LRRC7: variants seen among roughly 807,000 people sequenced by gnomAD.
The protein encoded by LRRC7 is leucine rich repeat containing 7, also known as leucine-rich repeat-containing protein 7.
A neutral mutation model predicts 175.7 loss-of-function variants in LRRC7; 23 were observed. The ratio of observed to expected loss-of-function variants is 0.13; its 90% CI spans 0.09 to 0.19. The LOEUF (loss-of-function observed/expected upper bound fraction) is 0.19, where lower values mean the gene tolerates loss of function less well. Ranked by LOEUF, LRRC7 falls within the 10% of genes least tolerant of loss-of-function variation. The pLI is 1.00. For missense variants in LRRC7, 1,354 were observed against 1,904.7 expected, an observed-to-expected ratio of 0.71 and a Z score of 5.38; for synonymous variants, 685 against 680.9, an observed-to-expected ratio of 1.01 and a Z score of -0.09.
At chr1:69,723,385 A>G (rs1796952) in intron 2 of LRRC7, among the ~76,000 whole-genome samples, 66,725 of 151,916 alleles carry the variant, frequency 0.44, 14,914 homozygotes, top group Admixed American at 0.5. Flanking sequence ...TAACATATTA[A>G]GAGAAAAAAT....
chr1:69,745,772 G>A (rs988202105), intron 2 of LRRC7, among the ~76,000 whole-genome samples: 4 of 125,172 alleles, frequency 3.2e-5, no homozygotes, highest in Non-Finnish European at 7.2e-5. Flanking sequence ...AACCTTAAAT[G>A]AATGACAGGA....
chr1:69,791,947 C>T (rs1675172097), intron 3 of LRRC7, 96 bp from the exon 4 acceptor site: 4 of 753,512 alleles, frequency 5.3e-6, no homozygotes, highest in Non-Finnish European at 9.0e-6. Flanking sequence ...TCTTTTACTA[C>T]TACATATATA....
rs2102276759 is a variant in LRRC7, at chr1:70,134,903, T to C, written c.*13016T>C. Among the ~76,000 whole-genome samples the C allele has an allele frequency of 6.6e-6, 1 of 152,346 alleles. No individual in the cohort carries two copies. Among genetic ancestry groups the C allele is most frequent in the South Asian group, 2.1e-4 (1 of 4,832 alleles). On this transcript the variant is annotated 3_prime_UTR_variant, in exon 27 of 27. Coordinates refer to ENST00000651989, the MANE Select transcript of LRRC7 (RefSeq NM_001370785.2). ...GGCAGGTGTCCACCATTGTTTTGGA[T>C]ACAGCTTTTGAGTTTTTGATTTGCC... is the stretch of plus-strand genomic sequence containing the variant.
Position 70,021,098 on chromosome 1 carries a change from A to G in LRRC7, c.1514A>G (p.Lys505Arg). 1 of 1,612,558 alleles carries G rather than the reference A, an allele frequency of 6.2e-7. No homozygotes were observed. The highest frequency in any genetic ancestry group is 1.7e-5 in the Admixed American group (1 of 59,974). The change falls in exon 16 of 27, where the codon AAA (lysine) becomes AGA (arginine). Residue 505 changes from lysine to arginine, a missense_variant. Coordinates refer to ENST00000651989, the MANE Select transcript of LRRC7 (RefSeq NM_001370785.2). ...MTVAFEFEDK[K>R]EDDENAGKVK... Reference sequence around the variant, plus strand: ...GTTGCCTTTGAATTTGAAGACAAAAAAGAAGATGACGAAAATGCTGGGAAA... The same window carrying G: ...GTTGCCTTTGAATTTGAAGACAAAAGAGAAGATGACGAAAATGCTGGGAAA...
In LRRC7 at chr1:70,126,240, G is replaced by A. The variant is rs1004154085; in HGVS notation, c.*4353G>A. ...ATAAATTCGATCAAACAACATATTT[G>A]ACTAATTTGTGATATGCCGACCAAA... On this transcript the variant is annotated 3_prime_UTR_variant, in exon 27 of 27. Transcript: ENST00000651989. Among the ~76,000 whole-genome samples, 17 of 151,980 alleles carry A rather than the reference G, an allele frequency of 1.1e-4. No homozygotes were observed. Among genetic ancestry groups the A allele is most frequent in the African/African-American group, 4.1e-4 (17 of 41,364 alleles).
intron 1 of LRRC7, among the ~76,000 whole-genome samples, chr1:69,588,256 T>G (rs1234457323): frequency 2.0e-5 from 3 of 152,178 alleles, no homozygotes; most frequent in Non-Finnish European, 1.5e-5. Context: ...TTCAGTAAGA[T>G]GACCATTATT....
At position 69,873,786 on chromosome 1, in the gene LRRC7, A is replaced by G. The variant is rs149394395; in HGVS notation, c.647+35503A>G. 21 of 156,578 alleles carry G rather than the reference A, an allele frequency of 1.3e-4. No individual in the cohort carries two copies. The East Asian group carries it at 3.5e-3, about 26-fold the overall frequency. 9.7% of individuals were successfully genotyped at this position (156,578 alleles called of 1,614,324 possible). On this transcript the variant is annotated intron_variant, in intron 7 of 26. Transcript: ENST00000651989. ...TTTTTTCCAAATGTGTTCAGTTGCC[A>G]TAACTTTCAATGAATATGAAATTTT...
chr1:69,698,951 A>G (rs1055773555), intron 2 of LRRC7, among the ~76,000 whole-genome samples: 2 of 152,148 alleles, frequency 1.3e-5, no homozygotes, highest in African/African-American at 4.8e-5. Flanking sequence ...GCTATAAAGT[A>G]TAGTCAAACT....
At chr1:69,980,657 C>G (rs922389381) in intron 9 of LRRC7, among the ~76,000 whole-genome samples, 1 of 151,598 alleles carries the variant, frequency 6.6e-6, no homozygotes, top group Non-Finnish European at 1.5e-5. Flanking sequence ...GTATACAAAA[C>G]GTAAGAAAGA....
chr1:69,790,604 CTG>C (rs1163509514), intron 3 of LRRC7, among the ~76,000 whole-genome samples: 1 of 151,838 alleles, frequency 6.6e-6, no homozygotes, highest in Non-Finnish European at 1.5e-5. Context: ...GTCTATGAAT[CTG>C]TAACTGACCA....
At chr1:69,585,229 AATAT>A (rs1197471982) in intron 1 of LRRC7, among the ~76,000 whole-genome samples, 1 of 147,712 alleles carries the variant, frequency 6.8e-6, no homozygotes, top group South Asian at 2.2e-4. Context: ...ATCTAGGCAT[AATAT>A]ATATACTTTT....
At chr1:70,014,536 C>G (rs1170465825) in intron 13 of LRRC7, among the ~76,000 whole-genome samples, 1 of 151,696 alleles carries the variant, frequency 6.6e-6, no homozygotes, top group Non-Finnish European at 1.5e-5. Context: ...TACTATGGAG[C>G]CAAATTACTA....
chr1:69,956,178 T>C lies in LRRC7; in HGVS notation c.712-24201T>C, dbSNP rs183214722. ...TATTTGGTCAGGTAGACTAATATTA[T>C]TTTACACAATTTCTTTAGTTTTTCC... On this transcript the variant is annotated intron_variant, in intron 8 of 26. Transcript: ENST00000651989. Among the ~76,000 whole-genome samples the C allele has an allele frequency of 2.0e-5, 3 of 152,042 alleles. No homozygotes were observed. The East Asian group carries it at 5.8e-4, about 29-fold the overall frequency.
chr1:69,786,326 C>T (rs575722994), intron 3 of LRRC7, among the ~76,000 whole-genome samples: 135 of 151,412 alleles, frequency 8.9e-4, no homozygotes, highest in African/African-American at 3.0e-3. Context: ...ACTTTTTTTT[C>T]TCTCTCTCTC....
At chr1:69,843,192 A>T (rs1263494442) in intron 7 of LRRC7, among the ~76,000 whole-genome samples, 1 of 152,064 alleles carries the variant, frequency 6.6e-6, no homozygotes, top group African/African-American at 2.4e-5. Flanking sequence ...ACTCCATCTC[A>T]AAACAAAGCA....
intron 8 of LRRC7, 22 bp downstream of exon 8, chr1:69,931,592 A>G (rs749189626): frequency 1.3e-6 from 2 of 1,590,618 alleles, no homozygotes; most frequent in Non-Finnish European, 1.7e-6. Flanking sequence ...CATTTTCTAA[A>G]CCTGATAAAT....
At chr1:69,680,036 T>C (rs567454750) in intron 2 of LRRC7, among the ~76,000 whole-genome samples, 1 of 152,094 alleles carries the variant, frequency 6.6e-6, no homozygotes, top group Non-Finnish European at 1.5e-5. Flanking sequence ...CCTAAAATAT[T>C]TACCTGGGTC....
chr1:69,977,294 C>G (rs1652916236), intron 8 of LRRC7, among the ~76,000 whole-genome samples: 1 of 152,164 alleles, frequency 6.6e-6, no homozygotes, highest in Non-Finnish European at 1.5e-5. Flanking sequence ...GAACACCAAT[C>G]TGCCAAAATC....
chr1:69,784,952 G>A (rs1389061456), intron 3 of LRRC7, among the ~76,000 whole-genome samples: 2 of 151,988 alleles, frequency 1.3e-5, no homozygotes, highest in African/African-American at 2.4e-5. Flanking sequence ...TCTGGTGTTT[G>A]TTGAGACTTC....
Sources: allele counts gnomAD v4.1 joint callset (sites outside exome capture counted in the v4.1 genomes callset), GRCh38; gene constraint gnomAD v4.1.1; transcripts MANE v1.5; gene names NCBI Gene and HGNC (gene_info 2026-07-23, HGNC 2026-07-21).